Variants in FOXN2 observed in about 807,000 individuals in gnomAD.
The protein encoded by FOXN2 is forkhead box protein N2.
A neutral mutation model predicts 41.2 loss-of-function variants in FOXN2; 19 were observed. That is an observed-to-expected ratio of 0.46 (90% CI 0.32 to 0.68). The LOEUF (loss-of-function observed/expected upper bound fraction) is 0.68, where lower values mean the gene tolerates loss of function less well. FOXN2 is among the 30% of genes least tolerant of loss of function. The probability of loss-of-function intolerance (pLI) is 0.03; values close to 1 mark genes in which losing one functional copy is unlikely to be tolerated. For missense variants in FOXN2, 587 were observed against 509.4 expected (o/e 1.15, Z -1.47); for synonymous variants, 195 against 176.8 (o/e 1.10, Z -0.82).
chr2:48,323,664 C>G (rs553599870), intron 1 of FOXN2, among the ~76,000 whole-genome samples: 1 of 152,260 alleles, frequency 6.6e-6, no homozygotes, highest in African/African-American at 2.4e-5. Flanking sequence ...AATATTTTCT[C>G]CCATTCCACA....
At chr2:48,358,573 A>G (rs1671958303) in intron 3 of FOXN2, among the ~76,000 whole-genome samples, 1 of 152,204 alleles carries the variant, frequency 6.6e-6, no homozygotes, top group African/African-American at 2.4e-5. Flanking sequence ...CGTCAATAAT[A>G]GACTAGTAGT....
At chr2:48,334,031 C>A (rs767711341) in intron 2 of FOXN2, among the ~76,000 whole-genome samples, 1 of 151,916 alleles carries the variant, frequency 6.6e-6, no homozygotes, top group Non-Finnish European at 1.5e-5. Flanking sequence ...CCATTGAGGA[C>A]TAAGATATGG....
rs112838395 is a variant in FOXN2 at position 48,366,477 on chromosome 2, G to A, written c.703+3770G>A. Among the ~76,000 whole-genome samples, 30 of 152,194 alleles carry A rather than the reference G, an allele frequency of 2.0e-4. 1 individual carries two copies. Among genetic ancestry groups the A allele is most frequent in the Middle Eastern group, 6.8e-3 (2 of 294 alleles). ...GAGAATCATAACAATAGAGAGAGTTGTCTGGCAGTTGCTAGGAATCTGTCT... is the reference window on the plus strand; with the variant it reads ...GAGAATCATAACAATAGAGAGAGTTATCTGGCAGTTGCTAGGAATCTGTCT... On this transcript the variant is annotated intron_variant, in intron 5 of 6. Coordinates refer to ENST00000340553, the MANE Select transcript of FOXN2 (RefSeq NM_002158.4).
Position 48,375,361 on chromosome 2 carries a change from T to C in FOXN2, c.1214T>C (p.Leu405Pro). The change falls in exon 7 of 7, where the codon CTC (leucine) becomes CCC (proline). Residue 405 changes from leucine (L) to proline (P), a missense_variant. By Grantham distance (98) the Leu-to-Pro change is moderately conservative (BLOSUM62 -3). Transcript: ENST00000340553. ...CTCAAAGAGGCAGCTGGATCTCTGC[T>C]CCACCTTGCTGGAATTCGTACATGT... is the stretch of plus-strand genomic sequence containing the variant. Reference protein sequence around the residue: ...EELKEAAGSLLHLAGIRTCLG... With the variant: ...EELKEAAGSLPHLAGIRTCLG... 2 of 1,613,620 alleles carry C rather than the reference T, an allele frequency of 1.2e-6. No individual in the cohort carries two copies. The highest frequency in any genetic ancestry group is 1.7e-6 in the Non-Finnish European group (2 of 1,179,836).
At chr2:48,363,274 T>C (rs1672316704) in intron 5 of FOXN2, among the ~76,000 whole-genome samples, 1 of 152,142 alleles carries the variant, frequency 6.6e-6, no homozygotes, top group Non-Finnish European at 1.5e-5. Context: ...TAAAAAAAGT[T>C]AATTTAAAAA....
intron 2 of FOXN2, among the ~76,000 whole-genome samples, chr2:48,339,957 A>G (rs889891085): frequency 2.6e-5 from 4 of 152,246 alleles, no homozygotes; most frequent in South Asian, 2.1e-4. Flanking sequence ...TACTGCTACA[A>G]TAATGTTAAT....
chr2:48,341,612 A>T (rs190427768), intron 2 of FOXN2, among the ~76,000 whole-genome samples: 21 of 152,354 alleles, frequency 1.4e-4, no homozygotes, highest in African/African-American at 4.8e-4. Context: ...GATGGATGCC[A>T]GGGTAAAATG....
At chr2:48,363,495 A>G (rs1572767126) in intron 5 of FOXN2, among the ~76,000 whole-genome samples, 2 of 152,222 alleles carry the variant, frequency 1.3e-5, no homozygotes, top group African/African-American at 2.4e-5. Flanking sequence ...TATAAAGTCT[A>G]CAGTAGTGTA....
chr2:48,369,517 G>A (rs560230898), intron 5 of FOXN2, among the ~76,000 whole-genome samples: 13 of 152,206 alleles, frequency 8.5e-5, no homozygotes, highest in African/African-American at 3.1e-4. Flanking sequence ...CAGCCTGGAC[G>A]ACAAGAGTGA....
intron 1 of FOXN2, among the ~76,000 whole-genome samples, chr2:48,320,373 C>T (rs148736445): frequency 6.6e-6 from 1 of 151,996 alleles, no homozygotes; most frequent in Non-Finnish European, 1.5e-5. Context: ...TTACTGCAAC[C>T]TCTGTCTCCC....
chr2:48,320,984 GACTT>G, intron 1 of FOXN2, among the ~76,000 whole-genome samples: 1 of 152,174 alleles, frequency 6.6e-6, no homozygotes, highest in African/African-American at 2.4e-5. Flanking sequence ...TGACTTGAGA[GACTT>G]ACTCTTTCAC....
At chr2:48,323,128 G>A (rs1471799535) in intron 1 of FOXN2, among the ~76,000 whole-genome samples, 1 of 151,182 alleles carries the variant, frequency 6.6e-6, no homozygotes, top group Non-Finnish European at 1.5e-5. Flanking sequence ...CATGATGGAG[G>A]TTTTTTATTG....
chr2:48,338,764 A>G (rs76945170), intron 2 of FOXN2, among the ~76,000 whole-genome samples: 277 of 152,330 alleles, frequency 1.8e-3, no homozygotes, highest in Middle Eastern at 6.8e-3. Flanking sequence ...AATTGGATAA[A>G]AAATACATGT....
chr2:48,331,542 A>G (rs1670020203), intron 2 of FOXN2, among the ~76,000 whole-genome samples: 1 of 152,182 alleles, frequency 6.6e-6, no homozygotes, highest in South Asian at 2.1e-4. Context: ...TTGGCCAGGC[A>G]CACTGTTTCA....
At position 48,346,713 on chromosome 2, in the gene FOXN2, A is replaced by C. The variant is rs1671127675; in HGVS notation, c.499A>C (p.Asn167His). ...TTCTGTTCGACATAATCTGTCCCTGAATAAATGTTTTCAGAAAGTGGAAAG... is the reference window on the plus strand; with the variant it reads ...TTCTGTTCGACATAATCTGTCCCTGCATAAATGTTTTCAGAAAGTGGAAAG... ...KNSVRHNLSL[N>H]KCFQKVERSH... Residue 167 changes from asparagine to histidine, a missense_variant, in exon 3 of 7, where the codon AAT becomes CAT. Asn to His is a moderately conservative substitution (Grantham distance 68). Transcript: ENST00000340553. 4 of 1,598,866 alleles carry C rather than the reference A, an allele frequency of 2.5e-6. No individual in the cohort carries two copies. The East Asian group carries it at 8.9e-5, about 36-fold the overall frequency.
rs191071183 is a variant in FOXN2, at chr2:48,353,598, G to C, written c.538-5449G>C. The stretch of plus-strand genomic sequence containing the variant: ...TGTGTGTGTGTGTGTGTGTGTGTGT[G>C]TGTGTGTGAAAGAGAAAGGGGGGAG... On this transcript the variant is annotated intron_variant, in intron 3 of 6. Transcript: ENST00000340553. Among the ~76,000 whole-genome samples, 243 of 135,580 alleles carry C rather than the reference G, an allele frequency of 1.8e-3. 2 individuals are homozygous for C. The highest frequency in any genetic ancestry group is 6.1e-3 in the African/African-American group (229 of 37,332). The allele number at this position is 135,580 out of a possible 152,430, so 88.9% of individuals were successfully genotyped here.
At chr2:48,357,926 C>A (rs1196555834) in intron 3 of FOXN2, among the ~76,000 whole-genome samples, 1 of 148,898 alleles carries the variant, frequency 6.7e-6, no homozygotes, top group African/African-American at 2.5e-5. Context: ...TGATATCTTG[C>A]TGCTAAACAC....
Position 48,374,988 on chromosome 2 carries a change from C to T in FOXN2, c.841C>T (p.Pro281Ser). The change falls in exon 7 of 7, where the codon CCC (proline) becomes TCC (serine). Residue 281 changes from proline (P) to serine (S), a missense_variant. By Grantham distance (74) the Pro-to-Ser change is moderately conservative (BLOSUM62 -1). Transcript: ENST00000340553. The stretch of plus-strand genomic sequence containing the variant: ...GAGTTACGGCAATGCATTTCATCAT[C>T]CCAGTGCTGTACGATTACAAGAGAG... ...KRSYGNAFHH[P>S]SAVRLQESDS... 6.2e-7 allele frequency: 1 copy of T among 1,613,954 alleles called. No homozygotes were observed. Among genetic ancestry groups the T allele is most frequent in the Non-Finnish European group, 8.5e-7 (1 of 1,179,934 alleles).
At chr2:48,359,687 G>A (rs2104457472) in intron 4 of FOXN2, among the ~76,000 whole-genome samples, 1 of 151,152 alleles carries the variant, frequency 6.6e-6, no homozygotes, top group Non-Finnish European at 1.5e-5. Context: ...GGTCTAATTT[G>A]TGTTTCTAGA....
Sources: allele counts gnomAD v4.1 joint callset (sites outside exome capture counted in the v4.1 genomes callset), GRCh38; gene constraint gnomAD v4.1.1; transcripts MANE v1.5; gene names NCBI Gene and HGNC (gene_info 2026-07-23, HGNC 2026-07-21).